Variants in AHRR observed in about 807,000 individuals in gnomAD.
The protein encoded by AHRR is ahR repressor.
A neutral mutation model predicts 44.0 loss-of-function variants in AHRR; 28 were observed. That is an observed-to-expected ratio of 0.64 (90% CI 0.47 to 0.87). The LOEUF (loss-of-function observed/expected upper bound fraction) is 0.87. Ranked by LOEUF, AHRR falls within the 40% of genes least tolerant of loss-of-function variation. AHRR has a pLI of 0.00. For synonymous variants in AHRR, 434 were observed against 407.0 expected (o/e 1.07, Z -0.80); for missense variants, 990 against 953.9 (o/e 1.04, Z -0.50).
chr5:417,351 T>A (rs1170329672), intron 5 of AHRR, among the ~76,000 whole-genome samples: 1 of 110,696 alleles, frequency 9.0e-6, no homozygotes, highest in African/African-American at 3.5e-5. Flanking sequence ...GGGCCTGAGT[T>A]TAGAGAAGGC....
chr5:359,937 T>C (rs1452969307), intron 3 of AHRR, among the ~76,000 whole-genome samples: 2 of 152,200 alleles, frequency 1.3e-5, no homozygotes, highest in African/African-American at 2.4e-5. Context: ...AAGTTATACT[T>C]TATTAAGGTA....
chr5:415,485 CCTAGGGGCCGAGTCTCCCTGGTCGGGT>C (rs1479766025), intron 5 of AHRR, among the ~76,000 whole-genome samples: 16 of 119,910 alleles, frequency 1.3e-4, no homozygotes, highest in African/African-American at 4.5e-4. Flanking sequence ...GGGTGGGAGG[CCTAGGGGCCGAGTCTCCCTGGTCGGGT>C]GGGAGGCCTA....
Position 370,097 on chromosome 5 carries a change from C to G in AHRR, c.245-6513C>G, listed in dbSNP as rs1043454819. Among the ~76,000 whole-genome samples the G allele has an allele frequency of 1.3e-5, 2 of 150,272 alleles. No homozygotes were observed. The highest frequency in any genetic ancestry group is 5.0e-5 in the African/African-American group (2 of 40,150). ...GGGCCCTCGCTGGAAGCCCCGTCCT[C>G]CCGGGCCCTCGCTGGAAGCCCCGTC... On this transcript the variant is annotated intron_variant, in intron 3 of 10. Coordinates refer to ENST00000684583, the MANE Select transcript of AHRR (RefSeq NM_001377236.1). The surrounding 1 kb of genome is among the most constrained non-coding windows in gnomAD (Gnocchi z 4.5).
chr5:384,509 C>T (rs1734097102), intron 4 of AHRR, among the ~76,000 whole-genome samples: 1 of 152,220 alleles, frequency 6.6e-6, no homozygotes, highest in Middle Eastern at 3.4e-3. Context: ...CTGCAACCTC[C>T]ACCTCCTGGG....
At chr5:394,671 C>T (rs905309698) in intron 4 of AHRR, among the ~76,000 whole-genome samples, 1 of 152,324 alleles carries the variant, frequency 6.6e-6, no homozygotes, top group Middle Eastern at 3.4e-3. Flanking sequence ...TTGTCTTCGC[C>T]CGTTGCTTGG....
At chr5:393,313 A>G (rs998196107) in intron 4 of AHRR, among the ~76,000 whole-genome samples, 1 of 152,072 alleles carries the variant, frequency 6.6e-6, no homozygotes, top group Admixed American at 6.6e-5. Flanking sequence ...TTGTCTTTGC[A>G]CCTAACGTTA....
intron 7 of AHRR, among the ~76,000 whole-genome samples, chr5:427,288 C>T (rs1200287612): frequency 6.6e-6 from 1 of 152,218 alleles, no homozygotes; most frequent in Non-Finnish European, 1.5e-5. Flanking sequence ...AGCTTACTTG[C>T]TGGCTTTTAA....
chr5:340,700 T>TA (rs1742316250), intron 1 of AHRR, among the ~76,000 whole-genome samples: 1 of 55,402 alleles, frequency 1.8e-5, no homozygotes, highest in African/African-American at 7.8e-5. Context: ...TTTTTTTTTT[T>TA]TTTTTTTTTT....
intron 2 of AHRR, among the ~76,000 whole-genome samples, chr5:344,783 G>A (rs1477368153): frequency 7.6e-6 from 1 of 131,314 alleles, no homozygotes; most frequent in Admixed American, 7.2e-5. Flanking sequence ...GACTGTGCGG[G>A]TGTGCGAGGC....
intron 4 of AHRR, among the ~76,000 whole-genome samples, chr5:381,039 C>T (rs972893194): frequency 1.3e-5 from 2 of 152,168 alleles, no homozygotes; most frequent in Admixed American, 1.3e-4. Context: ...ATTCTGATGT[C>T]CAAGGGCAAG....
chr5:367,785 C>T (rs1743414682), intron 3 of AHRR: 1 of 698,754 alleles, frequency 1.4e-6, no homozygotes, highest in African/African-American at 1.7e-5. Context: ...TTCTGTCCCC[C>T]TCCTTCTCTG....
chr5:343,111 G>C (rs1163294273), intron 1 of AHRR, among the ~76,000 whole-genome samples: 5 of 152,204 alleles, frequency 3.3e-5, no homozygotes, highest in African/African-American at 1.2e-4. Context: ...ACAGAGAGGA[G>C]ATTATGCTGT....
At chr5:423,634 A>C (rs1736235489) in intron 6 of AHRR, among the ~76,000 whole-genome samples, 1 of 152,234 alleles carries the variant, frequency 6.6e-6, no homozygotes, top group Admixed American at 6.5e-5. Flanking sequence ...TCATGCATGC[A>C]CATGTACTAA....
intron 4 of AHRR, among the ~76,000 whole-genome samples, chr5:377,209 C>T (rs368310704): frequency 2.0e-5 from 3 of 152,164 alleles, no homozygotes; most frequent in Admixed American, 2.0e-4. Context: ...CCCATCCCTG[C>T]GACTCTGAAG....
intron 3 of AHRR, among the ~76,000 whole-genome samples, chr5:359,521 T>A (rs1234032917): frequency 6.6e-6 from 1 of 151,442 alleles, no homozygotes; most frequent in Non-Finnish European, 1.5e-5. Context: ...AAGTGTGGAG[T>A]AGATTAGTAC....
At position 337,071 on chromosome 5, in the gene AHRR, T is replaced by G. The variant is rs1742164183; in HGVS notation, c.-10-6822T>G. ...TATTCTTATGCCACAGTTTCTTTCT[T>G]TTTAATGTTTTTTTTTAAAGCCAAA... is the stretch of plus-strand genomic sequence containing the variant. On this transcript the variant is annotated intron_variant, in intron 1 of 10. Coordinates refer to ENST00000684583, the MANE Select transcript of AHRR (RefSeq NM_001377236.1). The surrounding 1 kb of genome is among the most constrained non-coding windows in gnomAD (Gnocchi z 4.1). Among the ~76,000 whole-genome samples the G allele has an allele frequency of 6.6e-6, 1 of 152,214 alleles. No homozygotes were observed. Among genetic ancestry groups the G allele is most frequent in the African/African-American group, 2.4e-5 (1 of 41,462 alleles).
intron 5 of AHRR, chr5:421,371 G>A (rs947092737): frequency 4.5e-6 from 3 of 661,500 alleles, no homozygotes; most frequent in African/African-American, 3.7e-5. Context: ...TGGAGTCCGC[G>A]CACAGTACCA....
intron 5 of AHRR, 121 bp downstream of exon 5, chr5:413,554 C>A: frequency 2.7e-6 from 2 of 744,752 alleles, no homozygotes; most frequent in Admixed American, 2.7e-5. Context: ...TCACTGAGCT[C>A]TTATCAGATA....
At chr5:371,157 G>A (rs574312276) in intron 3 of AHRR, among the ~76,000 whole-genome samples, 5 of 152,256 alleles carry the variant, frequency 3.3e-5, no homozygotes, top group Non-Finnish European at 4.4e-5. Flanking sequence ...GGAAAAAGGG[G>A]TGACTCCTCC....
Sources: gnomAD v4.1 joint callset for allele counts (sites outside exome capture counted in the v4.1 genomes callset) on GRCh38, gnomAD v4.1.1 for gene constraint, Gnocchi (gnomAD v3.1) non-coding constraint, MANE v1.5 for transcripts, NCBI Gene and HGNC (gene_info 2026-07-23, HGNC 2026-07-21) for gene names.